TAFA4: variants seen among roughly 807,000 people sequenced by gnomAD.
TAFA4 encodes TAFA chemokine like family member 4.
In TAFA4, 20 loss-of-function variants were observed where a neutral mutation model predicts 21.1. The observed-to-expected ratio is 0.95, with a 90% CI of 0.67 to 1.38. TAFA4 has a LOEUF of 1.38. Among genes scored for constraint, TAFA4 ranks in the 40% most tolerant of loss-of-function variants. The pLI is 0.00. For synonymous variants in TAFA4, 71 were observed against 67.4 expected, an observed-to-expected ratio of 1.05 and a Z score of -0.26; for missense variants, 211 against 180.9, an observed-to-expected ratio of 1.17 and a Z score of -0.95.
chr3:68,819,089 A>G (rs1704052868), intron 3 of TAFA4, among the ~76,000 whole-genome samples: 1 of 152,156 alleles, frequency 6.6e-6, no homozygotes, highest in African/African-American at 2.4e-5. Flanking sequence ...CCTGGGCAAC[A>G]TGGCGAAAGC....
At chr3:68,735,240 C>CTGTA (rs1295138797) in intron 5 of TAFA4, among the ~76,000 whole-genome samples, 1 of 151,978 alleles carries the variant, frequency 6.6e-6, no homozygotes, top group Non-Finnish European at 1.5e-5. Flanking sequence ...AATACATGGC[C>CTGTA]TGTACAATGA....
chr3:68,891,201 T>C (rs2089726897), intron 1 of TAFA4, among the ~76,000 whole-genome samples: 1 of 152,224 alleles, frequency 6.6e-6, no homozygotes, highest in Non-Finnish European at 1.5e-5. Flanking sequence ...TATGAAGGAA[T>C]TCAGCACCAA....
chr3:68,817,450 T>C (rs994811080), intron 3 of TAFA4, among the ~76,000 whole-genome samples: 2 of 152,202 alleles, frequency 1.3e-5, no homozygotes, highest in African/African-American at 4.8e-5. Context: ...TGTTGATCTT[T>C]TGACCTCCTC....
intron 3 of TAFA4, among the ~76,000 whole-genome samples, chr3:68,824,171 C>T (rs1162891976): frequency 6.6e-6 from 1 of 152,134 alleles, no homozygotes. Context: ...TTTGTGAATA[C>T]TTCCTATAAT....
intron 3 of TAFA4, among the ~76,000 whole-genome samples, chr3:68,825,947 C>T (rs1390481209): frequency 6.6e-6 from 1 of 152,124 alleles, no homozygotes; most frequent in Non-Finnish European, 1.5e-5. Context: ...GGCCAAAGGT[C>T]AACATCACAA....
rs117725365 is a variant in TAFA4 at position 68,900,220 on chromosome 3, T to A, written c.-122-14910A>T. On this transcript the variant is annotated intron_variant, in intron 1 of 5. Coordinates refer to ENST00000295569, the MANE Select transcript of TAFA4 (RefSeq NM_182522.5). ...TTGCACCACTGTACTTCAGCTTGGGTGACAGAGCGAGACTCTCTCTTAATA... is the reference window on the plus strand; with the variant it reads ...TTGCACCACTGTACTTCAGCTTGGGAGACAGAGCGAGACTCTCTCTTAATA... 2.2e-3 allele frequency among the ~76,000 whole-genome samples: 323 copies of A among 148,356 alleles called. 3 individuals are homozygous for A. In the East Asian group the frequency reaches 0.043, roughly 20 times the overall value.
chr3:68,734,964 G>C (rs748937130), intron 5 of TAFA4, among the ~76,000 whole-genome samples: 33 of 152,118 alleles, frequency 2.2e-4, no homozygotes, highest in Non-Finnish European at 4.4e-4. Flanking sequence ...AATGCTCTCA[G>C]ACTTATTTTC....
At chr3:68,870,669 A>G (rs2089471410) in intron 3 of TAFA4, among the ~76,000 whole-genome samples, 1 of 152,214 alleles carries the variant, frequency 6.6e-6, no homozygotes, top group East Asian at 1.9e-4. Context: ...TGCTGCATCT[A>G]TCAGCCAACC....
At chr3:68,851,550 G>A (rs1704950698) in intron 3 of TAFA4, among the ~76,000 whole-genome samples, 1 of 152,080 alleles carries the variant, frequency 6.6e-6, no homozygotes, top group Non-Finnish European at 1.5e-5. Context: ...CGTAGAAACT[G>A]GGTGAAAAGA....
intron 3 of TAFA4, among the ~76,000 whole-genome samples, chr3:68,863,339 T>C (rs1005204399): frequency 4.6e-5 from 7 of 152,154 alleles, no homozygotes; most frequent in African/African-American, 1.7e-4. Context: ...AATGCATAAA[T>C]GATACACCAT....
chr3:68,902,023 C>T (rs927566062), intron 1 of TAFA4, among the ~76,000 whole-genome samples: 35 of 152,228 alleles, frequency 2.3e-4, no homozygotes, highest in African/African-American at 6.8e-4. Flanking sequence ...TCATTAATAA[C>T]AGCAGCAGTT....
At chr3:68,882,756 A>T (rs2089632288) in intron 2 of TAFA4, among the ~76,000 whole-genome samples, 1 of 152,196 alleles carries the variant, frequency 6.6e-6, no homozygotes, top group Non-Finnish European at 1.5e-5. Context: ...TCTAGAACTC[A>T]GGTAAGATCC....
At chr3:68,914,701 T>G (rs922979375) in intron 1 of TAFA4, among the ~76,000 whole-genome samples, 3 of 152,258 alleles carry the variant, frequency 2.0e-5, no homozygotes, top group Admixed American at 2.0e-4. Context: ...GGTGTGCAAA[T>G]TAGTGACGTT....
chr3:68,795,333 C>G (rs1020062695), intron 3 of TAFA4, among the ~76,000 whole-genome samples: 2 of 151,720 alleles, frequency 1.3e-5, no homozygotes, highest in African/African-American at 2.4e-5. Context: ...TCCAATTTCC[C>G]TTTAATAAAA....
chr3:68,758,637 C>CA (rs1702704581), intron 3 of TAFA4, among the ~76,000 whole-genome samples: 1 of 152,148 alleles, frequency 6.6e-6, no homozygotes, highest in African/African-American at 2.4e-5. Flanking sequence ...TTATTAGCAG[C>CA]ATAAAAATGA....
At chr3:68,880,978 G>A in intron 2 of TAFA4, 133 bp from the exon 3 acceptor site, 2 of 651,984 alleles carry the variant, frequency 3.1e-6, no homozygotes. Context: ...CAAGAAAACA[G>A]AAGACCAATC....
At chr3:68,879,530 G>T (rs926165811) in intron 3 of TAFA4, among the ~76,000 whole-genome samples, 6 of 152,248 alleles carry the variant, frequency 3.9e-5, no homozygotes, top group African/African-American at 1.4e-4. Context: ...CTATCCTCGT[G>T]AACAAACTCA....
chr3:68,755,670 C>T (rs1350112744), intron 3 of TAFA4, among the ~76,000 whole-genome samples: 1 of 152,188 alleles, frequency 6.6e-6, no homozygotes, highest in East Asian at 1.9e-4. Flanking sequence ...ATCTCCAGGC[C>T]CTCAGATCAC....
chr3:68,733,252 T>C (rs1025481364), intron 5 of TAFA4, 99 bp from the exon 6 acceptor site: 63 of 1,456,632 alleles, frequency 4.3e-5, no homozygotes, highest in Middle Eastern at 1.8e-4. Flanking sequence ...GTGAATACTT[T>C]ATCAGTTTGT....
Sources: gnomAD v4.1 joint callset for allele counts (sites outside exome capture counted in the v4.1 genomes callset) on GRCh38, gnomAD v4.1.1 for gene constraint, MANE v1.5 for transcripts, NCBI Gene and HGNC (gene_info 2026-07-23, HGNC 2026-07-21) for gene names.